The following LRP5 variants were observed in gnomAD, a reference collection of about 807,000 sequenced individuals.
LRP5 encodes LDL receptor related protein 5.
Under a neutral mutation model 154.1 loss-of-function variants are expected in LRP5, and 62 were observed. The ratio of observed to expected loss-of-function variants is 0.40; its 90% CI spans 0.33 to 0.50. LRP5 has a LOEUF of 0.50. LRP5 is among the 20% of genes least tolerant of loss of function. The probability of loss-of-function intolerance (pLI) is 0.55; values close to 1 mark genes in which losing one functional copy is unlikely to be tolerated. For missense variants in LRP5, 1,915 were observed against 2,336.7 expected, an observed-to-expected ratio of 0.82 and a Z score of 3.72; for synonymous variants, 966 against 1,011.5, an observed-to-expected ratio of 0.96 and a Z score of 0.85.
At position 68,413,835 on chromosome 11, in the gene LRP5, G is replaced by A. The variant is rs2098660964; in HGVS notation, c.2650G>A (p.Gly884Ser). Residue 884 changes from glycine (G) to serine (S), a missense_variant, in exon 12 of 23, where the codon GGC (glycine) becomes AGC (serine). Physicochemically the swap from Gly to Ser is moderately conservative, Grantham distance 56. Transcript: ENST00000294304. The surrounding 1 kb of genome is among the most constrained non-coding windows in gnomAD (Gnocchi z 5.1). The part of the protein sequence containing the change: ...TSGRNRTLIQ[G>S]HLDFVMDILV... ...CGGCCGGAACCGCACCCTCATCCAG[G>A]GCCACCTGGACTTCGTGATGGACAT... 3 of 1,613,602 alleles carry A rather than the reference G, an allele frequency of 1.9e-6. No individual in the cohort carries two copies. The highest frequency in any genetic ancestry group is 2.2e-5 in the South Asian group (2 of 91,096).
Position 68,354,587 on chromosome 11 carries a change from G to A in LRP5, c.489-3063G>A, listed in dbSNP as rs117655997. On this transcript the variant is annotated intron_variant, in intron 2 of 22. Transcript: ENST00000294304. ...AGCAAGGCGTCTGCCGCAGGCACGC[G>A]GGAGCCTTCCCTGGGCTGGCTGCCA... Among the ~76,000 whole-genome samples the A allele has an allele frequency of 6.3e-3, 959 of 152,316 alleles. 5 individuals carry two copies. Among genetic ancestry groups the A allele is most frequent in the Admixed American group, 0.016 (252 of 15,300 alleles).
At chr11:68,448,324 G>A (rs970664717) in intron 22 of LRP5, among the ~76,000 whole-genome samples, 13 of 152,148 alleles carry the variant, frequency 8.5e-5, no homozygotes, top group East Asian at 1.9e-4. Flanking sequence ...AAACCCTATC[G>A]GTTGCCAACA....
chr11:68,381,280 G>A (rs1447783202), intron 5 of LRP5, among the ~76,000 whole-genome samples: 1 of 152,158 alleles, frequency 6.6e-6, no homozygotes, highest in Non-Finnish European at 1.5e-5. Context: ...GGTGTGTGGG[G>A]GGGTGCATTT....
At chr11:68,440,854 T>C (rs1361442036) in intron 21 of LRP5, among the ~76,000 whole-genome samples, 1 of 152,062 alleles carries the variant, frequency 6.6e-6, no homozygotes, top group Non-Finnish European at 1.5e-5. Flanking sequence ...CCGCAACCTC[T>C]GCCTCCCAGG....
chr11:68,325,457 C>T (rs2098599115), intron 1 of LRP5, among the ~76,000 whole-genome samples: 1 of 152,202 alleles, frequency 6.6e-6, no homozygotes, highest in African/African-American at 2.4e-5. Context: ...CTAAGGCCAG[C>T]TTGGTCACCA....
At chr11:68,442,592 G>A (rs1195835077) in intron 21 of LRP5, among the ~76,000 whole-genome samples, 3 of 152,274 alleles carry the variant, frequency 2.0e-5, no homozygotes, top group East Asian at 1.9e-4. Flanking sequence ...ATGTGTTTTC[G>A]TAAGCCCGAA....
chr11:68,389,950 G>A lies in LRP5; in HGVS notation c.1482G>A (p.Arg494=). The A allele has an allele frequency of 6.2e-7, 1 of 1,614,256 alleles. No homozygotes were observed. Among genetic ancestry groups the A allele is most frequent in the Non-Finnish European group, 8.5e-7 (1 of 1,180,040 alleles). The change falls in exon 7 of 23, where the codon CGG becomes CGA. Residue 494 remains arginine (R), a synonymous_variant. Coordinates refer to ENST00000294304, the MANE Select transcript of LRP5 (RefSeq NM_002335.4). ...GTGCCAACTTGGATGGGCAGGAGCG[G>A]CGTGTGCTGGTCAATGCCTCCCTCG... ...IECANLDGQE[R]RVLVNASLGW... is the part of the protein sequence containing the mutation.
At chr11:68,421,707 TGTGTGTGTGTGTGTGTG>T (rs1160252104) in intron 13 of LRP5, among the ~76,000 whole-genome samples, 5 of 149,532 alleles carry the variant, frequency 3.3e-5, no homozygotes, top group Non-Finnish European at 7.5e-5. Context: ...TGTGTGTGTG[TGTGTGTGTGTGTGTGTG>T]GTGTGTGTGT....
At position 68,426,086 on chromosome 11, in the gene LRP5, G is replaced by A. The variant is rs372697844; in HGVS notation, c.3536G>A (p.Arg1179His). The A allele has an allele frequency of 1.4e-5, 22 of 1,613,494 alleles. No individual in the cohort carries two copies. Among genetic ancestry groups the A allele is most frequent in the African/African-American group, 1.2e-4 (9 of 74,920 alleles). The stretch of plus-strand genomic sequence containing the variant: ...GACCGCCAGCAGCAGATGATCGAGC[G>A]TGTGGAGAAGACCACCGGGGACAAG... ...WIDRQQQMIE[R>H]VEKTTGDKRT... Residue 1179 changes from arginine to histidine, a missense_variant, in exon 16 of 23, where the codon CGT becomes CAT. Around this residue, in one of 3 missense-constraint regions of LRP5, gnomAD observed 1,094 missense variants for 1,210.1 expected, o/e 0.90. Coordinates refer to ENST00000294304, the MANE Select transcript of LRP5 (RefSeq NM_002335.4).
At chr11:68,336,083 A>G (rs2098605523) in intron 1 of LRP5, among the ~76,000 whole-genome samples, 1 of 152,236 alleles carries the variant, frequency 6.6e-6, no homozygotes, top group Admixed American at 6.5e-5. Flanking sequence ...AGTAGCAGTG[A>G]GCACACCAGA....
At chr11:68,303,990 C>T in the LRP5 span, among the ~76,000 whole-genome samples, 3 of 152,308 alleles carry the variant, frequency 2.0e-5, no homozygotes, top group African/African-American at 7.2e-5. Context: ...GAGTTCAAGC[C>T]GGCAGTGGAG....
Position 68,423,416 on chromosome 11 carries a change from A to T in LRP5, c.3028-73A>T. 2 of 1,418,726 alleles carry T rather than the reference A, an allele frequency of 1.4e-6. No homozygotes were observed. The highest frequency in any genetic ancestry group is 1.4e-5 in the African/African-American group (1 of 70,742). The allele number at this position is 1,418,726 out of a possible 1,614,324, so 87.9% of individuals were successfully genotyped here. A position where few individuals can be genotyped will look rare whatever the true frequency, so the allele number is the denominator to read the frequency against. On this transcript the variant is annotated intron_variant, in intron 13 of 22. Coordinates refer to ENST00000294304, the MANE Select transcript of LRP5 (RefSeq NM_002335.4). This position sits in a 1 kb window ranked among gnomAD's most constrained non-coding sequence, Gnocchi z 4.7. ...CCACCAGTGCCCGGGGGTCTCCGCC[A>T]GTGCCAGGGGTCTCCGCCAGTGCCC...
chr11:68,402,754 A>G (rs1028910177), intron 7 of LRP5, among the ~76,000 whole-genome samples: 8 of 151,552 alleles, frequency 5.3e-5, no homozygotes, highest in Admixed American at 3.3e-4. Flanking sequence ...TGATCCCAGG[A>G]CTCCTTCCTG....
intron 5 of LRP5, among the ~76,000 whole-genome samples, chr11:68,379,345 G>C (rs749833020): frequency 6.6e-6 from 1 of 152,218 alleles, no homozygotes; most frequent in Admixed American, 6.5e-5. Context: ...GGTGGTGTCT[G>C]GTTGCAGGAA....
chr11:68,446,780 C>T (rs573100385), intron 22 of LRP5, among the ~76,000 whole-genome samples: 1 of 152,342 alleles, frequency 6.6e-6, no homozygotes, highest in Admixed American at 6.5e-5. Flanking sequence ...CTTCAAGTTG[C>T]TCCTATGGGG....
intron 3 of LRP5, among the ~76,000 whole-genome samples, chr11:68,360,738 G>A (rs528151726): frequency 2.0e-5 from 3 of 151,860 alleles, no homozygotes; most frequent in South Asian, 2.1e-4. Context: ...TGGCTTACGC[G>A]TGTAATCCCA....
chr11:68,313,293 G>T (rs901840934), intron 1 of LRP5, among the ~76,000 whole-genome samples: 2 of 152,078 alleles, frequency 1.3e-5, no homozygotes, highest in African/African-American at 4.8e-5. Context: ...CCGGGCGCGG[G>T]GCGGCCTGGC....
chr11:68,312,588 C>G (rs920578556), upstream of LRP5: 1 of 231,618 alleles, frequency 4.3e-6, no homozygotes, highest in Non-Finnish European at 7.0e-6. Context: ...CTCCCTCCTC[C>G]CCGTCGTCCT....
chr11:68,406,439 G>C (rs2098655713), intron 8 of LRP5, 85 bp from the exon 9 acceptor site: 1 of 1,409,886 alleles, frequency 7.1e-7, no homozygotes. Flanking sequence ...GTGGCTCACG[G>C]CAGCATTCAT....
Sources: gnomAD v4.1 joint callset for allele counts (sites outside exome capture counted in the v4.1 genomes callset) on GRCh38, gnomAD v4.1.1 for gene constraint, gnomAD v4.1.1 regional missense constraint, Gnocchi (gnomAD v3.1) non-coding constraint, MANE v1.5 for transcripts, NCBI Gene and HGNC (gene_info 2026-07-23, HGNC 2026-07-21) for gene names.